The following KITLG variants were observed in gnomAD, a reference collection of about 807,000 sequenced individuals.
The protein encoded by KITLG is KIT ligand, also known as c-Kit ligand.
KITLG carries 13 observed loss-of-function variants against 34.1 expected under a neutral mutation model. The ratio of observed to expected loss-of-function variants is 0.38; its 90% confidence interval spans 0.25 to 0.61. The LOEUF is 0.61. Ranked by LOEUF, KITLG falls within the 20% of genes least tolerant of loss-of-function variation. KITLG has a pLI of 0.60. For missense variants in KITLG, 292 were observed against 318.9 expected (o/e 0.92, Z 0.64); for synonymous variants, 110 against 104.0 (o/e 1.06, Z -0.35).
intron 1 of KITLG, among the ~76,000 whole-genome samples, chr12:88,560,200 A>G (rs1399622101): frequency 3.3e-5 from 5 of 152,242 alleles, no homozygotes; most frequent in Admixed American, 2.0e-4. Context: ...AGAACATTAC[A>G]TGACTATTAA....
intron 6 of KITLG, among the ~76,000 whole-genome samples, chr12:88,510,192 CT>C (rs1312108165): frequency 1.3e-5 from 2 of 152,158 alleles, no homozygotes; most frequent in Non-Finnish European, 2.9e-5. Flanking sequence ...TGCTGAACTT[CT>C]TTTTAGAGTG....
chr12:88,557,315 T>C (rs1449637179), intron 1 of KITLG, among the ~76,000 whole-genome samples: 1 of 152,192 alleles, frequency 6.6e-6, no homozygotes, highest in African/African-American at 2.4e-5. Flanking sequence ...TTTTTACTGT[T>C]ACTAATTTTA....
At chr12:88,531,487 C>T (rs1027433029) in intron 3 of KITLG, among the ~76,000 whole-genome samples, 1 of 152,146 alleles carries the variant, frequency 6.6e-6, no homozygotes, top group Non-Finnish European at 1.5e-5. Flanking sequence ...ACATTATTCT[C>T]TATGCTTGAA....
chr12:88,530,611 A>C (rs1403279985), intron 3 of KITLG, among the ~76,000 whole-genome samples: 1 of 152,100 alleles, frequency 6.6e-6, no homozygotes, highest in East Asian at 1.9e-4. Flanking sequence ...AGTTTTTCCT[A>C]ACTAAATACT....
intron 3 of KITLG, 26 bp from the exon 4 acceptor site, chr12:88,518,893 A>G (rs1869556864): frequency 1.2e-6 from 2 of 1,606,010 alleles, no homozygotes; most frequent in South Asian, 2.2e-5. Flanking sequence ...AAAGAGACAA[A>G]ACAGCTATTT....
At chr12:88,561,636 T>C (rs1592585379) in intron 1 of KITLG, among the ~76,000 whole-genome samples, 1 of 152,182 alleles carries the variant, frequency 6.6e-6, no homozygotes, top group East Asian at 1.9e-4. Flanking sequence ...CCCAATGCCT[T>C]CCCATTACAT....
At chr12:88,565,208 T>A (rs529513072) in intron 1 of KITLG, among the ~76,000 whole-genome samples, 10 of 152,342 alleles carry the variant, frequency 6.6e-5, no homozygotes, top group Non-Finnish European at 1.0e-4. Flanking sequence ...AGTATTGCAC[T>A]AGCTACCTAT....
At chr12:88,545,424 T>C (rs1294283242) in intron 2 of KITLG, among the ~76,000 whole-genome samples, 2 of 151,924 alleles carry the variant, frequency 1.3e-5, no homozygotes, top group African/African-American at 4.8e-5. Flanking sequence ...ACTGGAGAGA[T>C]TATGGGGAAC....
At chr12:88,502,545 G>C (rs1868901192) in intron 9 of KITLG, among the ~76,000 whole-genome samples, 2 of 152,138 alleles carry the variant, frequency 1.3e-5, no homozygotes, top group South Asian at 4.1e-4. Context: ...AGGTGTTGAG[G>C]GTACAGCAAG....
chr12:88,539,833 G>A (rs1870458039), intron 2 of KITLG, among the ~76,000 whole-genome samples: 2 of 151,984 alleles, frequency 1.3e-5, no homozygotes, highest in South Asian at 2.1e-4. Flanking sequence ...GCTGAGGCAG[G>A]AGGATCACTT....
intron 1 of KITLG, among the ~76,000 whole-genome samples, chr12:88,578,628 C>T (rs1871907810): frequency 6.6e-6 from 1 of 152,172 alleles, no homozygotes; most frequent in Non-Finnish European, 1.5e-5. Flanking sequence ...ATAATCAATC[C>T]TACTGCCTCT....
At chr12:88,578,612 G>A (rs951298052) in intron 1 of KITLG, among the ~76,000 whole-genome samples, 1 of 152,204 alleles carries the variant, frequency 6.6e-6, no homozygotes, top group Non-Finnish European at 1.5e-5. Context: ...AAGCAAGGGT[G>A]CAAGGATAAT....
intron 1 of KITLG, among the ~76,000 whole-genome samples, chr12:88,564,885 G>A (rs963667036): frequency 6.6e-6 from 1 of 152,136 alleles, no homozygotes; most frequent in African/African-American, 2.4e-5. Flanking sequence ...TTATTTTAGA[G>A]CACTGTATTG....
At chr12:88,543,243 A>G (rs1211500830) in intron 2 of KITLG, among the ~76,000 whole-genome samples, 5 of 151,974 alleles carry the variant, frequency 3.3e-5, no homozygotes, top group Non-Finnish European at 7.4e-5. Flanking sequence ...GTATTTCTCC[A>G]AACGCTATCC....
At chr12:88,572,884 G>A (rs1267191196) in intron 1 of KITLG, among the ~76,000 whole-genome samples, 1 of 151,988 alleles carries the variant, frequency 6.6e-6, no homozygotes, top group Non-Finnish European at 1.5e-5. Context: ...ATGTGCTAAG[G>A]TCAGTCCTCT....
At position 88,575,700 on chromosome 12, in the gene KITLG, G is replaced by C. The variant is rs577585885; in HGVS notation, c.15+4564C>G. 2.0e-5 allele frequency among the ~76,000 whole-genome samples: 3 copies of C among 152,242 alleles called. No homozygotes were observed. The East Asian group carries it at 5.8e-4, about 29-fold the overall frequency. Reference sequence around the variant, plus strand: ...TGTCTACACACGTGACTAAGACCAAGAACAGTGTGTAAGACCAAGAACAGT... The same window carrying C: ...TGTCTACACACGTGACTAAGACCAACAACAGTGTGTAAGACCAAGAACAGT... On this transcript the variant is annotated intron_variant, in intron 1 of 9. Coordinates refer to ENST00000644744, the MANE Select transcript of KITLG (RefSeq NM_000899.5).
intron 3 of KITLG, among the ~76,000 whole-genome samples, chr12:88,523,940 ATG>A (rs1869771052): frequency 6.6e-6 from 1 of 152,212 alleles, no homozygotes; most frequent in Admixed American, 6.5e-5. Flanking sequence ...CACTCTAAAT[ATG>A]TGTTATTTCC....
intron 1 of KITLG, among the ~76,000 whole-genome samples, chr12:88,550,027 A>G (rs1049168998): frequency 6.6e-6 from 1 of 152,212 alleles, no homozygotes; most frequent in Non-Finnish European, 1.5e-5. Context: ...GGCAACATTA[A>G]GGTCACTGGT....
chr12:88,514,713 T>A (rs889010290), intron 6 of KITLG, among the ~76,000 whole-genome samples: 4 of 151,730 alleles, frequency 2.6e-5, no homozygotes, highest in Admixed American at 2.0e-4. Flanking sequence ...AGAGTTTTTT[T>A]AAATGTTCTG....
Sources: gnomAD v4.1 joint callset for allele counts (sites outside exome capture counted in the v4.1 genomes callset) on GRCh38, gnomAD v4.1.1 for gene constraint, MANE v1.5 for transcripts, NCBI Gene and HGNC (gene_info 2026-07-23, HGNC 2026-07-21) for gene names.